MAP2: variants seen among roughly 807,000 people sequenced by gnomAD.
MAP2 encodes the protein microtubule-associated protein 2.
In MAP2, 14 loss-of-function variants were observed where a neutral mutation model predicts 137.6. The observed-to-expected ratio is 0.10, with a 90% CI of 0.07 to 0.16. The LOEUF (loss-of-function observed/expected upper bound fraction) is 0.16, where lower values mean the gene tolerates loss of function less well. MAP2 is among the 10% of genes least tolerant of loss of function. MAP2 has a pLI of 1.00. For missense variants in MAP2, 2,088 were observed against 2,191.5 expected (o/e 0.95, Z 0.94); for synonymous variants, 786 against 782.3 (o/e 1.00, Z -0.08).
chr2:209,661,647 A>T (rs1415656348), intron 5 of MAP2: 1 of 985,352 alleles, frequency 1.0e-6, no homozygotes, highest in Non-Finnish European at 1.2e-6. Context: ...AGTGAGAAAG[A>T]CAAGGATTGA....
intron 3 of MAP2, among the ~76,000 whole-genome samples, chr2:209,622,270 C>T (rs891222610): frequency 6.6e-6 from 1 of 152,126 alleles, no homozygotes; most frequent in Non-Finnish European, 1.5e-5. Context: ...TAAAAGTTGC[C>T]ATCAGTGTAA....
intron 2 of MAP2, among the ~76,000 whole-genome samples, chr2:209,546,172 A>C (rs997012984): frequency 3.9e-5 from 6 of 152,150 alleles, no homozygotes; most frequent in African/African-American, 1.4e-4. Flanking sequence ...AAAAAGAAAA[A>C]AAGAAATGCA....
intron 3 of MAP2, among the ~76,000 whole-genome samples, chr2:209,594,455 T>C (rs2080684037): frequency 2.0e-5 from 3 of 152,178 alleles, no homozygotes; most frequent in Admixed American, 6.5e-5. Flanking sequence ...TTGATTACGC[T>C]AAGCTTGGGG....
intron 5 of MAP2, among the ~76,000 whole-genome samples, chr2:209,670,308 G>T (rs1289623492): frequency 6.6e-6 from 1 of 151,844 alleles, no homozygotes; most frequent in Non-Finnish European, 1.5e-5. Context: ...ACCACCAGCA[G>T]AACACTTTAA....
At chr2:209,443,490 C>G (rs1698317477) in intron 1 of MAP2, among the ~76,000 whole-genome samples, 2 of 151,602 alleles carry the variant, frequency 1.3e-5, no homozygotes, top group South Asian at 4.1e-4. Context: ...TTTCCCTCTA[C>G]AGAGCTAACA....
chr2:209,644,670 C>CAAAAAAA lies in MAP2; in HGVS notation c.-29-8457_-29-8451dup, dbSNP rs68166330. ...TGGGCAACGACGTGGGACCCTGTCT[C>CAAAAAAA]AAAAAAAAAAAAAAAAAAAAAGACA... On this transcript the variant is annotated intron_variant, in intron 4 of 15. Coordinates refer to ENST00000682079, the MANE Select transcript of MAP2 (RefSeq NM_001375505.1). 1.3e-3 allele frequency among the ~76,000 whole-genome samples: 92 copies of CAAAAAAA among 68,590 alleles called. 2 individuals are homozygous for CAAAAAAA. The highest frequency in any genetic ancestry group is 3.6e-3 in the African/African-American group (89 of 24,590). 45.0% of individuals were successfully genotyped at this position (68,590 alleles called of 152,430 possible). A position where few individuals can be genotyped will look rare whatever the true frequency, so the allele number is the denominator to read the frequency against.
At chr2:209,700,216 A>C (rs577719576) in intron 10 of MAP2, 61 bp from the exon 11 acceptor site, 1 of 1,387,196 alleles carries the variant, frequency 7.2e-7, no homozygotes, top group East Asian at 2.3e-5. Context: ...AGGTATTTAA[A>C]ACTGCATTTA....
intron 2 of MAP2, among the ~76,000 whole-genome samples, chr2:209,518,415 A>C (rs978184110): frequency 6.6e-5 from 10 of 152,068 alleles, no homozygotes; most frequent in Non-Finnish European, 1.5e-4. Context: ...TTATATAGCC[A>C]CAATAGAGAG....
intron 4 of MAP2, among the ~76,000 whole-genome samples, chr2:209,645,455 T>TAA (rs1172838744): frequency 2.0e-5 from 3 of 147,368 alleles, no homozygotes; most frequent in African/African-American, 7.8e-5. Context: ...GAGAAATACT[T>TAA]TAAAAAAAAA....
At chr2:209,444,498 G>A (rs1027149813) in intron 1 of MAP2, among the ~76,000 whole-genome samples, 1 of 151,526 alleles carries the variant, frequency 6.6e-6, no homozygotes, top group Admixed American at 6.6e-5. Flanking sequence ...TATCATTTAT[G>A]GGGAGGAAGC....
At chr2:209,525,456 G>T (rs953060957) in intron 2 of MAP2, among the ~76,000 whole-genome samples, 1 of 152,132 alleles carries the variant, frequency 6.6e-6, no homozygotes, top group African/African-American at 2.4e-5. Flanking sequence ...ATTTTCCAGT[G>T]TATGAAGAAT....
rs377109157 is a variant in MAP2 at position 209,636,759 on chromosome 2, C to T, written c.-30+11630C>T. ...TCATTGAAATACTATAGGGAAGTAA[C>T]ATACCAATGTATATTTTTAATGTAA... On this transcript the variant is annotated intron_variant, in intron 4 of 15. Transcript: ENST00000682079. 2.0e-4 allele frequency among the ~76,000 whole-genome samples: 30 copies of T among 152,136 alleles called. No homozygotes were observed. In the East Asian group the frequency reaches 5.6e-3, roughly 28 times the overall value.
chr2:209,670,179 C>A (rs1296906351), intron 5 of MAP2, among the ~76,000 whole-genome samples: 1 of 151,944 alleles, frequency 6.6e-6, no homozygotes, highest in Non-Finnish European at 1.5e-5. Context: ...AGGAATTTCT[C>A]TTTCTCAAGT....
intron 2 of MAP2, among the ~76,000 whole-genome samples, chr2:209,541,818 A>C (rs941746424): frequency 1.3e-5 from 2 of 152,208 alleles, no homozygotes; most frequent in African/African-American, 4.8e-5. Context: ...TTTCCACCAC[A>C]TGTACAGAAT....
At chr2:209,565,636 T>C (rs1173719282) in intron 2 of MAP2, among the ~76,000 whole-genome samples, 1 of 152,222 alleles carries the variant, frequency 6.6e-6, no homozygotes, top group African/African-American at 2.4e-5. Flanking sequence ...CCAAAGTTTT[T>C]TTCTTTTTCT....
At chr2:209,696,430 T>C in intron 8 of MAP2, 80 bp downstream of exon 8, 1 of 1,471,088 alleles carries the variant, frequency 6.8e-7, no homozygotes, top group East Asian at 2.3e-5. Context: ...CATTTTAAAA[T>C]ACCTCTTTAT....
intron 2 of MAP2, among the ~76,000 whole-genome samples, chr2:209,578,726 C>A (rs1475615136): frequency 5.3e-5 from 8 of 152,146 alleles, no homozygotes; most frequent in Non-Finnish European, 8.8e-5. Flanking sequence ...TACACAAGGG[C>A]ACTGTAAAAT....
chr2:209,523,743 C>T (rs906177685), intron 2 of MAP2, among the ~76,000 whole-genome samples: 6 of 152,056 alleles, frequency 3.9e-5, no homozygotes, highest in South Asian at 2.1e-4. Flanking sequence ...CCAGGTGGTC[C>T]GAATCAAAGA....
At chr2:209,723,287 C>T (rs1329549955) in intron 13 of MAP2, among the ~76,000 whole-genome samples, 4 of 152,196 alleles carry the variant, frequency 2.6e-5, no homozygotes, top group Non-Finnish European at 5.9e-5. Flanking sequence ...TTGCTGACAA[C>T]ATTGGTAGCC....
Sources: allele counts gnomAD v4.1 joint callset (sites outside exome capture counted in the v4.1 genomes callset), GRCh38; gene constraint gnomAD v4.1.1; transcripts MANE v1.5; gene names NCBI Gene and HGNC (gene_info 2026-07-23, HGNC 2026-07-21).